PAGE1: variants seen among roughly 807,000 people sequenced by gnomAD.
PAGE1 encodes P antigen family member 1.
In PAGE1, 6 loss-of-function variants were observed where a neutral mutation model predicts 11.5. The ratio of observed to expected loss-of-function variants is 0.52; its 90% CI spans 0.29 to 1.03. PAGE1 has a LOEUF of 1.03. PAGE1 is among the 50% of genes least tolerant of loss of function. PAGE1 has a pLI of 0.09. For synonymous variants in PAGE1, 42 were observed against 40.2 expected, an observed-to-expected ratio of 1.05 and a Z score of -0.17; for missense variants, 120 against 110.2, an observed-to-expected ratio of 1.09 and a Z score of -0.40.
At chrX:49,689,830 A>G (rs782752447) in intron 4 of PAGE1, among the ~76,000 whole-genome samples, 6 of 60,645 alleles carry the variant, frequency 9.9e-5, no homozygotes, top group Non-Finnish European at 1.3e-4. Context: ...ATATATGTGT[A>G]TATATGTGTG....
chrX:49,689,568 A>ATAG, intron 4 of PAGE1, 25 bp from the exon 5 acceptor site: 1 of 157,190 alleles, frequency 6.4e-6, no homozygotes, highest in Non-Finnish European at 8.7e-6. Context: ...AAAAAAAAAA[A>ATAG]AAAAAAAATA....
chrX:49,694,622 G>T, intron 2 of PAGE1, 86 bp downstream of exon 2: 1 of 566,624 alleles, frequency 1.8e-6, no homozygotes, highest in Non-Finnish European at 2.8e-6. Context: ...CTATACTAAT[G>T]CAACAACACT....
intron 4 of PAGE1, among the ~76,000 whole-genome samples, chrX:49,689,945 G>A (rs868948220): frequency 3.6e-5 from 2 of 56,185 alleles, no homozygotes; most frequent in East Asian, 8.2e-4. Context: ...ATATATGTGT[G>A]TATATACACA....
intron 4 of PAGE1, among the ~76,000 whole-genome samples, chrX:49,691,023 C>A (rs1441967131): frequency 9.0e-6 from 1 of 111,322 alleles, no homozygotes; most frequent in African/African-American, 3.3e-5. Flanking sequence ...ACTAAAATTA[C>A]AAAAATTAGG....
At chrX:49,691,164 T>G in intron 4 of PAGE1, 85 bp downstream of exon 4, 1 of 979,636 alleles carries the variant, frequency 1.0e-6, no homozygotes, top group Non-Finnish European at 1.4e-6. Context: ...GGTGACAGAG[T>G]GAGACTCCAT....
chrX:49,689,580 AT>A (rs782002946), intron 4 of PAGE1, 37 bp from the exon 5 acceptor site: 1 of 31,038 alleles, frequency 3.2e-5, no homozygotes, highest in Non-Finnish European at 6.0e-5. Context: ...AAAAAAATAT[AT>A]ATATATATAT....
chrX:49,689,681 T>C (rs1258141133), intron 4 of PAGE1, 138 bp from the exon 5 acceptor site: 1 of 82,111 alleles, frequency 1.2e-5, no homozygotes, highest in Non-Finnish European at 2.0e-5. Context: ...TACATATATG[T>C]GTGTATATAT....
In PAGE1 at chrX:49,691,346, T is replaced by C; in HGVS notation, c.195A>G (p.Glu65=). The C allele has an allele frequency of 5.0e-6, 6 of 1,207,337 alleles. No homozygotes were observed. The highest frequency in any genetic ancestry group is 6.7e-6 in the Non-Finnish European group (6 of 892,781). Residue 65 remains glutamate (E), a synonymous_variant, in exon 4 of 6, where the codon GAA becomes GAG. Coordinates refer to ENST00000376150, the MANE Select transcript of PAGE1 (RefSeq NM_003785.4). ...QGQEPEADSQ[E]LVQPKTGCEL... ...CACACCCAGTCTTTGGCTGAACCAGTTCCTGGCTATCAGCTTCAGGCTCCT... is the reference window on the plus strand; with the variant it reads ...CACACCCAGTCTTTGGCTGAACCAGCTCCTGGCTATCAGCTTCAGGCTCCT...
At position 49,691,849 on chromosome X, in the gene PAGE1, T is replaced by A. The variant is rs781857863; in HGVS notation, c.167-475A>T. 1.5e-4 allele frequency among the ~76,000 whole-genome samples: 17 copies of A among 111,824 alleles called. No homozygotes were observed. In the East Asian group the frequency reaches 4.5e-3, roughly 29 times the overall value. On this transcript the variant is annotated intron_variant, in intron 3 of 5. Coordinates refer to ENST00000376150, the MANE Select transcript of PAGE1 (RefSeq NM_003785.4). ...TCTATCCTCTTGAAAAATGTCAGTATCAGCCAGCCGGGCGTGGTGGCTCAC... is the reference window on the plus strand; with the variant it reads ...TCTATCCTCTTGAAAAATGTCAGTAACAGCCAGCCGGGCGTGGTGGCTCAC...
chrX:49,692,205 A>G (rs1224231113), intron 3 of PAGE1, among the ~76,000 whole-genome samples: 3 of 111,688 alleles, frequency 2.7e-5, no homozygotes, highest in Non-Finnish European at 5.6e-5. Context: ...AAATCTGAGT[A>G]TACTCTGTGT....
chrX:49,694,652 G>C (rs180928301), intron 2 of PAGE1, 56 bp downstream of exon 2: 4 of 801,406 alleles, frequency 5.0e-6, no homozygotes, highest in Non-Finnish European at 7.3e-6. Flanking sequence ...ATTAATTTCT[G>C]CTAATAGAAA....
rs183723651 is a variant in PAGE1 at position 49,694,743 on chromosome X, G to A, written c.28C>T (p.Arg10Trp). The change falls in exon 2 of 6, where the codon CGG (arginine) becomes TGG (tryptophan). Residue 10 changes from arginine to tryptophan, a missense_variant. Transcript: ENST00000376150. ...TCTACATAGATCATTGGTCTACGCC[G>A]ATAGATTAATCTTCTTAGAAAACCC... MGFLRRLIYRRRPMIYVESS... is the reference protein window; with the variant it reads MGFLRRLIYWRRPMIYVESS... 69 of 1,195,399 alleles carry A rather than the reference G, an allele frequency of 5.8e-5. 1 individual carries two copies. The Admixed American group carries it at 8.4e-4, about 14-fold the overall frequency.
At position 49,687,510 on chromosome X, in the gene PAGE1, AG is replaced by A. The variant is rs2066887810; in HGVS notation, c.*30del. 4 of 1,193,690 alleles carry A rather than the reference AG, an allele frequency of 3.4e-6. No homozygotes were observed. The highest frequency in any genetic ancestry group is 4.5e-6 in the Non-Finnish European group (4 of 879,877). ...TTAATGGTCAAATTTCCAACACAGGAGCAGCCTGAACCATTTCAGCGTGTCT... is the reference window on the plus strand; with the variant it reads ...TTAATGGTCAAATTTCCAACACAGGACAGCCTGAACCATTTCAGCGTGTCT... On this transcript the variant is annotated 3_prime_UTR_variant, in exon 6 of 6. Coordinates refer to ENST00000376150, the MANE Select transcript of PAGE1 (RefSeq NM_003785.4).
intron 3 of PAGE1, 54 bp from the exon 4 acceptor site, chrX:49,691,428 A>T: frequency 9.8e-7 from 1 of 1,016,026 alleles, no homozygotes; most frequent in Non-Finnish European, 1.3e-6. Flanking sequence ...AAATATGAAT[A>T]AGAAAATAAT....
intron 4 of PAGE1, among the ~76,000 whole-genome samples, chrX:49,689,774 G>T (rs1408802396): frequency 1.7e-5 from 1 of 59,834 alleles, no homozygotes; most frequent in Non-Finnish European, 2.8e-5. Context: ...ATATATGTGT[G>T]TATATATACA....
chrX:49,694,879 A>G, intron 1 of PAGE1, 101 bp from the exon 2 acceptor site: 1 of 471,147 alleles, frequency 2.1e-6, no homozygotes, highest in Non-Finnish European at 3.6e-6. Flanking sequence ...AATTTTGAAA[A>G]TACTCTCAAA....
chrX:49,689,801 T>C (rs1446312902), intron 4 of PAGE1, among the ~76,000 whole-genome samples: 2 of 63,816 alleles, frequency 3.1e-5, no homozygotes, highest in Non-Finnish European at 5.3e-5. Context: ...TATATGTATA[T>C]ATATGTGTAT....
At chrX:49,690,102 T>C (rs1207034029) in intron 4 of PAGE1, among the ~76,000 whole-genome samples, 16 of 68,139 alleles carry the variant, frequency 2.3e-4, no homozygotes, top group Non-Finnish European at 3.1e-4. Flanking sequence ...TATATATGTG[T>C]ATATATACAC....
At chrX:49,695,474 C>T (rs782803470) in intron 1 of PAGE1, among the ~76,000 whole-genome samples, 1 of 111,730 alleles carries the variant, frequency 9.0e-6, no homozygotes, top group African/African-American at 3.2e-5. Flanking sequence ...TTCCAGGCCC[C>T]TTCTTTACCG....
Sources: allele counts gnomAD v4.1 joint callset (sites outside exome capture counted in the v4.1 genomes callset), GRCh38; gene constraint gnomAD v4.1.1; transcripts MANE v1.5; gene names NCBI Gene and HGNC (gene_info 2026-07-23, HGNC 2026-07-21).